Variants in TPO observed in about 807,000 individuals in gnomAD.
TPO encodes thyroid microsomal antigen.
A neutral mutation model predicts 96.9 loss-of-function variants in TPO; 78 were observed. The observed-to-expected ratio is 0.81, with a 90% CI of 0.67 to 0.97. The LOEUF (loss-of-function observed/expected upper bound fraction) is 0.97. Among genes scored for constraint, TPO ranks in the 50% least tolerant of loss-of-function variants. TPO has a pLI of 0.00. For synonymous variants in TPO, 547 were observed against 538.0 expected, an observed-to-expected ratio of 1.02 and a Z score of -0.23; for missense variants, 1,252 against 1,274.8, an observed-to-expected ratio of 0.98 and a Z score of 0.27.
chr2:1,475,280 G>A (rs965543887), intron 7 of TPO, among the ~76,000 whole-genome samples: 8 of 152,180 alleles, frequency 5.3e-5, no homozygotes, highest in African/African-American at 1.2e-4. Context: ...CTGAAGTTCC[G>A]GCTGTCACGG....
chr2:1,378,916 G>A (rs765780971), intron 1 of TPO, among the ~76,000 whole-genome samples: 18 of 152,310 alleles, frequency 1.2e-4, no homozygotes, highest in Non-Finnish European at 2.2e-4. Context: ...CTCAAAGGCG[G>A]CTCACTGAAC....
At chr2:1,515,605 G>C (rs1283000002) in intron 14 of TPO, among the ~76,000 whole-genome samples, 1 of 152,136 alleles carries the variant, frequency 6.6e-6, no homozygotes, top group Non-Finnish European at 1.5e-5. Context: ...CCTGTGTCTG[G>C]GCTGGGAAAG....
rs61758082 is a variant in TPO, at chr2:1,477,543, C to G, written c.1277C>G (p.Ala426Gly). Residue 426 changes from alanine (A) to glycine (G), a missense_variant, in exon 8 of 17, where the codon GCG becomes GGG. Physicochemically the swap from Ala to Gly is moderately conservative, Grantham distance 60. Transcript: ENST00000329066. Reference protein sequence around the residue: ...RLAAALKALNAHWSADAVYQE... With the variant: ...RLAAALKALNGHWSADAVYQE... The stretch of plus-strand genomic sequence containing the variant: ...GCCGCGGCGCTCAAGGCCCTCAATG[C>G]GCACTGGAGCGCGGACGCCGTGTAC... 3,145 of 1,535,342 alleles carry G rather than the reference C, an allele frequency of 2.0e-3. 60 individuals carry two copies. The African/African-American group carries it at 0.035, about 17-fold the overall frequency.
intron 14 of TPO, among the ~76,000 whole-genome samples, chr2:1,513,275 C>T (rs1026437848): frequency 1.3e-5 from 2 of 152,222 alleles, no homozygotes; most frequent in Admixed American, 6.5e-5. Context: ...AGTGGACATG[C>T]GCTCAGGTGC....
chr2:1,381,930 A>G (rs748716374), intron 1 of TPO, among the ~76,000 whole-genome samples: 5 of 152,138 alleles, frequency 3.3e-5, no homozygotes, highest in Non-Finnish European at 7.3e-5. Flanking sequence ...AATTAGAGAA[A>G]TTGTGCCTGG....
chr2:1,416,592 G>C (rs1247373345), intron 2 of TPO, among the ~76,000 whole-genome samples: 2 of 152,170 alleles, frequency 1.3e-5, no homozygotes, highest in South Asian at 2.1e-4. Flanking sequence ...GACACATCAC[G>C]AGTGCACAGG....
chr2:1,477,043 G>A, intron 7 of TPO, 43 bp from the exon 8 acceptor site: 2 of 1,584,794 alleles, frequency 1.3e-6, no homozygotes, highest in East Asian at 4.5e-5. Flanking sequence ...TACAAAGGGT[G>A]CACGGGGGCC....
At chr2:1,414,987 CTGCAGGGGCATT>C (rs11272011) in intron 2 of TPO, among the ~76,000 whole-genome samples, 2,392 of 152,370 alleles carry the variant, frequency 0.016, 60 homozygotes, top group African/African-American at 0.054. Context: ...GGAGTGAATA[CTGCAGGGGCATT>C]TGCCTGGACA....
At chr2:1,398,195 G>A (rs1662114965) in intron 1 of TPO, among the ~76,000 whole-genome samples, 1 of 152,166 alleles carries the variant, frequency 6.6e-6, no homozygotes, top group Non-Finnish European at 1.5e-5. Context: ...CCCACTCTCT[G>A]CTGGCATCTC....
chr2:1,494,640 A>G (rs771120422), intron 11 of TPO, among the ~76,000 whole-genome samples: 1 of 152,226 alleles, frequency 6.6e-6, no homozygotes, highest in Non-Finnish European at 1.5e-5. Flanking sequence ...TCTGACTCTG[A>G]GTGCATGCCC....
Position 1,440,730 on chromosome 2 carries a change from C to T in TPO, c.482+4346C>T, listed in dbSNP as rs115372565. The stretch of plus-strand genomic sequence containing the variant: ...TTGGAAGAGAATGGGCAGGCTTCTT[C>T]CTGTTTGTATGATCTAGTCAGTGCC... On this transcript the variant is annotated intron_variant, in intron 5 of 16. Coordinates refer to ENST00000329066, the MANE Select transcript of TPO (RefSeq NM_001206744.2). 3.9e-3 allele frequency among the ~76,000 whole-genome samples: 580 copies of T among 148,716 alleles called. 8 individuals are homozygous for T. The highest frequency in any genetic ancestry group is 0.014 in the African/African-American group (562 of 40,522).
chr2:1,512,434 GCCC>G, intron 14 of TPO: 1 of 985,450 alleles, frequency 1.0e-6, no homozygotes, highest in African/African-American at 1.7e-5. Flanking sequence ...CCTGAGCCCG[GCCC>G]GGACCAGCGC....
intron 2 of TPO, among the ~76,000 whole-genome samples, chr2:1,415,835 G>A (rs2148407154): frequency 6.6e-6 from 1 of 152,268 alleles, no homozygotes. Flanking sequence ...TCCTGCTGGG[G>A]GCCACATTTT....
intron 14 of TPO, chr2:1,512,328 T>G (rs1212397696): frequency 1.1e-6 from 1 of 913,988 alleles, no homozygotes. Flanking sequence ...AGACGTTCCC[T>G]CCCAGTGCTA....
In TPO at chr2:1,477,298, C is replaced by G. The variant is rs28910597; in HGVS notation, c.1032C>G (p.Thr344=). 5,536 of 1,588,442 alleles carry G rather than the reference C, an allele frequency of 3.5e-3. 183 individuals are homozygous for G. In the African/African-American group the frequency reaches 0.066, roughly 19 times the overall value. Residue 344 remains threonine, a synonymous_variant, in exon 8 of 17, where the codon ACC becomes ACG. Coordinates refer to ENST00000329066, the MANE Select transcript of TPO (RefSeq NM_001206744.2). ...PALERQLRNW[T]SAEGLLRVHA... is the part of the protein sequence containing the mutation. ...TAGAGAGGCAGCTGCGGAACTGGAC[C>G]AGTGCCGAAGGGCTGCTCCGCGTCC...
chr2:1,433,294 T>C lies in TPO; in HGVS notation c.180-144T>C, dbSNP rs569654945. ...CCCGTGGACAGCAACTGCACATGTTTTACCTGTGCACACCCCGCAGTGCCT... is the reference window on the plus strand; with the variant it reads ...CCCGTGGACAGCAACTGCACATGTTCTACCTGTGCACACCCCGCAGTGCCT... On this transcript the variant is annotated intron_variant, in intron 3 of 16. Coordinates refer to ENST00000329066, the MANE Select transcript of TPO (RefSeq NM_001206744.2). 8.1e-6 allele frequency: 8 copies of C among 987,646 alleles called. No individual in the cohort carries two copies. The African/African-American group carries it at 9.8e-5, about 12-fold the overall frequency. 61.2% of individuals were successfully genotyped at this position (987,646 alleles called of 1,614,324 possible).
chr2:1,484,090 G>A (rs967619554), intron 8 of TPO, among the ~76,000 whole-genome samples: 6 of 152,194 alleles, frequency 3.9e-5, no homozygotes, highest in African/African-American at 1.2e-4. Flanking sequence ...GTAGAATCTT[G>A]GTACATAATT....
In TPO at chr2:1,394,761, T is replaced by G. The variant is rs372677081; in HGVS notation, n.180+20359T>G. Among the ~76,000 whole-genome samples, 66 of 152,326 alleles carry G rather than the reference T, an allele frequency of 4.3e-4. 1 individual carries two copies. The South Asian group carries it at 9.3e-3, about 22-fold the overall frequency. ...GTCACTGGTCTGAAATGGTTTATAA[T>G]TTTTTGAGAAGGGGCCATGGGTTTT... is the stretch of plus-strand genomic sequence containing the variant. On this transcript the variant is annotated intron_variant and non_coding_transcript_variant, in intron 1 of 5. Transcript: ENST00000497517.
upstream of TPO, among the ~76,000 whole-genome samples, chr2:1,410,844 C>A (rs145592940): frequency 3.0e-3 from 463 of 152,150 alleles, 1 homozygote; most frequent in Non-Finnish European, 4.6e-3. Context: ...TGGGAGAAGA[C>A]GTGTATTTTT....
Sources: allele counts gnomAD v4.1 joint callset (sites outside exome capture counted in the v4.1 genomes callset), GRCh38; gene constraint gnomAD v4.1.1; transcripts MANE v1.5; gene names NCBI Gene and HGNC (gene_info 2026-07-23, HGNC 2026-07-21).